AGBL1: variants seen among roughly 807,000 people sequenced by gnomAD.
AGBL1 encodes the protein cytosolic carboxypeptidase 4.
A neutral mutation model predicts 118.9 loss-of-function variants in AGBL1; 130 were observed. That is an observed-to-expected ratio of 1.09 (90% CI 0.95 to 1.26). The LOEUF (loss-of-function observed/expected upper bound fraction) is 1.26, where lower values mean the gene tolerates loss of function less well. AGBL1 is among the 50% of genes most tolerant of loss of function. The pLI is 0.00. For synonymous variants in AGBL1, 555 were observed against 478.9 expected (o/e 1.16, Z -2.08); for missense variants, 1,584 against 1,298.1 (o/e 1.22, Z -3.38).
chr15:86,404,364 CTG>C (rs1292225669), intron 18 of AGBL1, among the ~76,000 whole-genome samples: 1 of 152,160 alleles, frequency 6.6e-6, no homozygotes, highest in Non-Finnish European at 1.5e-5. Context: ...CCTCAGCTGA[CTG>C]TGAATATTTA....
chr15:86,398,025 T>G (rs549609681), intron 18 of AGBL1, among the ~76,000 whole-genome samples: 1 of 152,316 alleles, frequency 6.6e-6, no homozygotes, highest in South Asian at 2.1e-4. Context: ...AATGCTTTTA[T>G]TTACTTATTA....
chr15:86,103,699 T>G (rs988744323), intron 1 of AGBL1, among the ~76,000 whole-genome samples: 20 of 152,210 alleles, frequency 1.3e-4, no homozygotes, highest in Non-Finnish European at 8.8e-5. Flanking sequence ...TTGCTGGGGA[T>G]GAAAACACCA....
At chr15:86,920,128 A>G (rs1202555804), downstream of AGBL1, among the ~76,000 whole-genome samples, 1 of 152,218 alleles carries the variant, frequency 6.6e-6, no homozygotes, top group Non-Finnish European at 1.5e-5. Context: ...CCCAAGCGTC[A>G]GTCAGCCTGG....
intron 22 of AGBL1, among the ~76,000 whole-genome samples, chr15:86,845,479 T>C (rs2141446969): frequency 6.6e-6 from 1 of 152,284 alleles, no homozygotes; most frequent in Non-Finnish European, 1.5e-5. Flanking sequence ...AATCCTTTTT[T>C]TAATGCTTTG....
chr15:86,428,513 C>T (rs1399645087), intron 18 of AGBL1, among the ~76,000 whole-genome samples: 3 of 152,122 alleles, frequency 2.0e-5, no homozygotes, highest in Admixed American at 2.0e-4. Context: ...TCCTTATTGT[C>T]TATTGGACAA....
At chr15:86,169,968 G>A (rs1314797737) in intron 5 of AGBL1, among the ~76,000 whole-genome samples, 2 of 152,202 alleles carry the variant, frequency 1.3e-5, no homozygotes, top group African/African-American at 2.4e-5. Flanking sequence ...AGCACTAAGT[G>A]AGGTAAAATC....
chr15:87,004,104 G>C (rs941208731), intron 24 of AGBL1, among the ~76,000 whole-genome samples: 1 of 152,148 alleles, frequency 6.6e-6, no homozygotes, highest in African/African-American at 2.4e-5. Context: ...TGGGCATTTA[G>C]TGCCATAAAT....
chr15:86,222,819 A>G (rs1030477789), intron 5 of AGBL1, among the ~76,000 whole-genome samples: 3 of 152,184 alleles, frequency 2.0e-5, no homozygotes, highest in African/African-American at 7.2e-5. Flanking sequence ...GGTACTTTCT[A>G]GAGAGTTGTG....
In AGBL1 at chr15:86,145,243, C is replaced by G. The variant is rs566381843; in HGVS notation, c.262+1398C>G. ...GAATTTTTGGGGGCCACTATTCAAT[C>G]CACTACAAGTCACACAGAAGTGGAA... On this transcript the variant is annotated intron_variant, in intron 3 of 22. Coordinates refer to ENST00000614907, the MANE Select transcript of AGBL1 (RefSeq NM_001386094.1). Among the ~76,000 whole-genome samples the G allele has an allele frequency of 2.0e-5, 3 of 152,278 alleles. No individual in the cohort carries two copies. In the East Asian group the frequency reaches 5.8e-4, roughly 29 times the overall value.
intron 23 of AGBL1, among the ~76,000 whole-genome samples, chr15:86,956,594 G>A (rs944151576): frequency 2.0e-5 from 3 of 152,120 alleles, no homozygotes; most frequent in Non-Finnish European, 4.4e-5. Flanking sequence ...GATCAGATGC[G>A]GTCCATCCAT....
intron 19 of AGBL1, among the ~76,000 whole-genome samples, chr15:86,532,604 A>G (rs1373083874): frequency 6.8e-6 from 1 of 146,484 alleles, no homozygotes; most frequent in Non-Finnish European, 1.5e-5. Flanking sequence ...GAATTGGAAA[A>G]AACTACTTTA....
At chr15:86,511,082 CA>C (rs1451589758) in intron 18 of AGBL1, among the ~76,000 whole-genome samples, 5 of 152,042 alleles carry the variant, frequency 3.3e-5, no homozygotes, top group South Asian at 4.1e-4. Flanking sequence ...AGTTGAACAA[CA>C]AATGTGTGGT....
intron 22 of AGBL1, among the ~76,000 whole-genome samples, chr15:86,762,361 C>T (rs2078038663): frequency 6.6e-6 from 1 of 151,870 alleles, no homozygotes; most frequent in Non-Finnish European, 1.5e-5. Context: ...GCACATGTAC[C>T]CCAGAACTTA....
chr15:86,277,068 A>G (rs1235502771), intron 15 of AGBL1, among the ~76,000 whole-genome samples: 1 of 152,206 alleles, frequency 6.6e-6, no homozygotes, highest in Non-Finnish European at 1.5e-5. Context: ...AGGTTCAGCC[A>G]GAGTTTAGAC....
intron 17 of AGBL1, among the ~76,000 whole-genome samples, chr15:86,338,085 A>G (rs1294846037): frequency 6.6e-6 from 1 of 152,154 alleles, no homozygotes; most frequent in Non-Finnish European, 1.5e-5. Context: ...GTTCTAAAGG[A>G]AATGGAAGAA....
intron 17 of AGBL1, among the ~76,000 whole-genome samples, chr15:86,348,520 C>G (rs2080575002): frequency 6.6e-6 from 1 of 152,200 alleles, no homozygotes; most frequent in Non-Finnish European, 1.5e-5. Context: ...TGGCTTACGC[C>G]TGTAATTCCA....
chr15:86,265,217 T>G (rs2079053262), intron 11 of AGBL1, among the ~76,000 whole-genome samples: 1 of 152,218 alleles, frequency 6.6e-6, no homozygotes, highest in Non-Finnish European at 1.5e-5. Flanking sequence ...ATCTCTTTTC[T>G]TGCTTCCTAC....
At chr15:86,140,098 GC>G in intron 1 of AGBL1, 1 of 183,908 alleles carries the variant, frequency 5.4e-6, no homozygotes, top group Non-Finnish European at 1.2e-5. Context: ...TGTTGTGGGT[GC>G]CCCTCCCAGA....
chr15:86,701,838 C>T (rs921845499), intron 22 of AGBL1, among the ~76,000 whole-genome samples: 2 of 149,656 alleles, frequency 1.3e-5, no homozygotes, highest in Non-Finnish European at 3.0e-5. Flanking sequence ...TTTCCACTCC[C>T]CATCTCTCCT....
Sources: allele counts gnomAD v4.1 joint callset (sites outside exome capture counted in the v4.1 genomes callset), GRCh38; gene constraint gnomAD v4.1.1; transcripts MANE v1.5; gene names NCBI Gene and HGNC (gene_info 2026-07-23, HGNC 2026-07-21).